The following LRRC56 variants were observed in gnomAD, a reference collection of about 807,000 sequenced individuals.
LRRC56 encodes the protein leucine rich repeat containing 56, also known as leucine-rich repeat-containing protein 56.
LRRC56 carries 41 observed loss-of-function variants against 47.8 expected under a neutral mutation model. The observed-to-expected ratio is 0.86, with a 90% confidence interval of 0.67 to 1.11. The LOEUF is 1.11. LRRC56 is among the 50% of genes most tolerant of loss of function. LRRC56 has a pLI of 0.00. For synonymous variants in LRRC56, 387 were observed against 311.2 expected (o/e 1.24, Z -2.56); for missense variants, 759 against 704.2 (o/e 1.08, Z -0.88).
the LRRC56 span, among the ~76,000 whole-genome samples, chr11:509,086 T>TCACA: frequency 2.5e-4 from 38 of 150,402 alleles, no homozygotes; most frequent in South Asian, 8.5e-4. Context: ...AGAAGGTGGT[T>TCACA]CACACACACA....
At chr11:512,541 C>A in the LRRC56 span, among the ~76,000 whole-genome samples, 1 of 152,160 alleles carries the variant, frequency 6.6e-6, no homozygotes, top group Admixed American at 6.5e-5. Context: ...AAGGAGGTAA[C>A]TTGATCCATA....
chr11:517,481 G>T, the LRRC56 span, among the ~76,000 whole-genome samples: 4 of 150,528 alleles, frequency 2.7e-5, no homozygotes, highest in Non-Finnish European at 5.9e-5. Flanking sequence ...GGGCACCTCT[G>T]CCCAGCCACC....
chr11:515,807 C>T, the LRRC56 span, among the ~76,000 whole-genome samples: 3 of 152,112 alleles, frequency 2.0e-5, no homozygotes, highest in Admixed American at 6.6e-5. Flanking sequence ...CACTGCCCTC[C>T]AACCTGGGCG....
chr11:534,597 G>C, upstream of LRRC56: 1 of 555,464 alleles, frequency 1.8e-6, no homozygotes, highest in Non-Finnish European at 3.2e-6. Flanking sequence ...ATGGGAAAAG[G>C]GACCCAGCCC....
rs986053584 is a variant in LRRC56, at chr11:551,840, C to T, written c.973+13C>T. On this transcript the variant is annotated intron_variant, in intron 10 of 13. Transcript: ENST00000270115. ...AGCCTCACCCATGGTAACTGACTTGCCTCAAAGCTGACCCTGCAGCCCCTC... is the reference window on the plus strand; with the variant it reads ...AGCCTCACCCATGGTAACTGACTTGTCTCAAAGCTGACCCTGCAGCCCCTC... The T allele has an allele frequency of 6.2e-7, 1 of 1,608,288 alleles. No individual in the cohort carries two copies. The highest frequency in any genetic ancestry group is 8.5e-7 in the Non-Finnish European group (1 of 1,176,798).
chr11:532,230 C>T, the LRRC56 span: 3 of 380,758 alleles, frequency 7.9e-6, no homozygotes, highest in African/African-American at 4.0e-5. Context: ...CACCCTCAGC[C>T]GAAAACCAAG....
upstream of LRRC56, chr11:533,140 C>T (rs1368496124): frequency 8.2e-5 from 65 of 795,918 alleles, no homozygotes; most frequent in Non-Finnish European, 1.0e-4. Flanking sequence ...CCAGGGTCAC[C>T]GCTCCGGCCT....
chr11:530,512 G>A, the LRRC56 span, among the ~76,000 whole-genome samples: 9 of 119,414 alleles, frequency 7.5e-5, no homozygotes, highest in African/African-American at 1.4e-4. Flanking sequence ...CGAGTGTGGC[G>A]TCCCCTGGAG....
At chr11:525,334 T>C in the LRRC56 span, among the ~76,000 whole-genome samples, 1 of 151,844 alleles carries the variant, frequency 6.6e-6, no homozygotes, top group East Asian at 2.0e-4. Context: ...GGTCAGGAGA[T>C]CGAGACCATC....
At position 541,567 on chromosome 11, in the gene LRRC56, C is replaced by G; in HGVS notation, c.208C>G (p.Leu70Val). The change falls in exon 5 of 14, where the codon CTG becomes GTG. Residue 70 changes from leucine to valine, a missense_variant. Physicochemically the swap from Leu to Val is conservative, Grantham distance 32. Coordinates refer to ENST00000270115, the MANE Select transcript of LRRC56 (RefSeq NM_198075.4). This position sits in a 1 kb window ranked among gnomAD's most constrained non-coding sequence, Gnocchi z 4.1. ...QALARVDDLR[L>V]VRTLEMCVDT... ...CCTGGCCCGGGTGGATGACCTTCGG[C>G]TGGTGAGGACGCTGGAGATGTGTGT... is the stretch of plus-strand genomic sequence containing the variant. The G allele has an allele frequency of 6.3e-7, 1 of 1,587,162 alleles. No homozygotes were observed. Among genetic ancestry groups the G allele is most frequent in the Non-Finnish European group, 8.6e-7 (1 of 1,165,176 alleles).
chr11:545,120 C>T (rs1013355749), intron 6 of LRRC56, among the ~76,000 whole-genome samples: 5 of 152,210 alleles, frequency 3.3e-5, no homozygotes, highest in Non-Finnish European at 7.4e-5. Flanking sequence ...CCCCACTTGC[C>T]GTGTGACCCC....
rs1358993579 is a variant in LRRC56, at chr11:549,893, C to T, written c.327-9C>T. 8 of 1,611,194 alleles carry T rather than the reference C, an allele frequency of 5.0e-6. No individual in the cohort carries two copies. The highest frequency in any genetic ancestry group is 6.8e-6 in the Non-Finnish European group (8 of 1,178,422). ...GCACATGTTGACCACCAAACCCTGC[C>T]TTCTGCAGGGACTTGGGCACGTCTC... On this transcript the variant is annotated splice_polypyrimidine_tract_variant and intron_variant, in intron 6 of 13. Transcript: ENST00000270115.
upstream of LRRC56, chr11:533,479 T>G (rs1564788848): frequency 6.2e-7 from 1 of 1,613,420 alleles, no homozygotes; most frequent in Middle Eastern, 1.6e-4. Context: ...GAGGTCTCGA[T>G]GTAGGGGATG....
chr11:545,666 C>G (rs918480101), intron 6 of LRRC56, among the ~76,000 whole-genome samples: 1 of 152,202 alleles, frequency 6.6e-6, no homozygotes, highest in African/African-American at 2.4e-5. Flanking sequence ...TCACAACATT[C>G]GGAGCTGAAG....
the LRRC56 span, among the ~76,000 whole-genome samples, chr11:514,929 C>T: frequency 6.6e-6 from 1 of 152,200 alleles, no homozygotes; most frequent in African/African-American, 2.4e-5. Context: ...CTGCTTCTCA[C>T]CCACAGAGGC....
upstream of LRRC56, chr11:533,965 G>T (rs1211918044): frequency 1.2e-6 from 2 of 1,607,280 alleles, no homozygotes. Flanking sequence ...ACAGGGCTCA[G>T]GGACCCCCTC....
the LRRC56 span, among the ~76,000 whole-genome samples, chr11:508,600 C>T: frequency 5.3e-4 from 80 of 151,870 alleles, no homozygotes; most frequent in East Asian, 4.1e-3. Context: ...AACCCCATCT[C>T]TACTAAAAAT....
chr11:515,362 C>T, the LRRC56 span, among the ~76,000 whole-genome samples: 5 of 152,204 alleles, frequency 3.3e-5, no homozygotes, highest in African/African-American at 4.8e-5. Context: ...CTGGGCTTGT[C>T]TTCTCAGGGC....
At chr11:532,577 G>C (rs996159995), upstream of LRRC56, 11 of 1,577,254 alleles carry the variant, frequency 7.0e-6, no homozygotes, top group East Asian at 2.3e-5. Context: ...CGGCAGGGGC[G>C]GGGAGCCGGG....
Sources: allele counts gnomAD v4.1 joint callset (sites outside exome capture counted in the v4.1 genomes callset), GRCh38; gene constraint gnomAD v4.1.1; non-coding constraint Gnocchi (gnomAD v3.1); transcripts MANE v1.5; gene names NCBI Gene and HGNC (gene_info 2026-07-23, HGNC 2026-07-21).